The following NXPH2 variants were observed in gnomAD, a reference collection of about 807,000 sequenced individuals.
NXPH2 encodes neurexophilin-2.
In NXPH2, 5 loss-of-function variants were observed where a neutral mutation model predicts 19.8. The ratio of observed to expected loss-of-function variants is 0.25; its 90% confidence interval spans 0.13 to 0.53. The LOEUF (loss-of-function observed/expected upper bound fraction) is 0.53. Among genes scored for constraint, NXPH2 ranks in the 20% least tolerant of loss-of-function variants. The pLI is 0.96. For synonymous variants in NXPH2, 154 were observed against 127.4 expected (o/e 1.21, Z -1.41); for missense variants, 289 against 322.8 (o/e 0.90, Z 0.80).
At chr2:138,694,113 A>T (rs929174000) in intron 1 of NXPH2, among the ~76,000 whole-genome samples, 4 of 152,190 alleles carry the variant, frequency 2.6e-5, no homozygotes, top group South Asian at 2.1e-4. Context: ...AGACGATTTT[A>T]AAAAACTGTA....
At chr2:138,717,317 T>C (rs1294007208) in intron 1 of NXPH2, among the ~76,000 whole-genome samples, 4 of 152,068 alleles carry the variant, frequency 2.6e-5, no homozygotes, top group South Asian at 2.1e-4. Context: ...ATTGATGATA[T>C]GGCATCTCAA....
intron 1 of NXPH2, among the ~76,000 whole-genome samples, chr2:138,736,103 C>T (rs1334712577): frequency 6.6e-6 from 1 of 152,156 alleles, no homozygotes; most frequent in Non-Finnish European, 1.5e-5. Flanking sequence ...TCCAGGTGCA[C>T]AGTGCAAGCT....
At chr2:138,762,637 A>G (rs1430981612) in intron 1 of NXPH2, among the ~76,000 whole-genome samples, 2 of 152,192 alleles carry the variant, frequency 1.3e-5, no homozygotes, top group Non-Finnish European at 2.9e-5. Context: ...CAAAACCCAG[A>G]AGTCAAGTTG....
At chr2:138,780,063 G>T in intron 1 of NXPH2, 128 bp downstream of exon 1, 2 of 884,216 alleles carry the variant, frequency 2.3e-6, no homozygotes, top group Non-Finnish European at 3.2e-6. Context: ...AAAACTCCTT[G>T]CCCTCCGCGC....
chr2:138,726,211 T>C (rs533391821), intron 1 of NXPH2, among the ~76,000 whole-genome samples: 1 of 152,052 alleles, frequency 6.6e-6, no homozygotes, highest in African/African-American at 2.4e-5. Context: ...CCCAACTAAT[T>C]TTTTCATATT....
intron 1 of NXPH2, among the ~76,000 whole-genome samples, chr2:138,703,034 C>G (rs146323536): frequency 7.5e-4 from 114 of 152,252 alleles, no homozygotes; most frequent in Non-Finnish European, 1.3e-3. Flanking sequence ...TTATTTATGT[C>G]TGCTGGAGTG....
At chr2:138,696,100 A>C (rs1483886084) in intron 1 of NXPH2, among the ~76,000 whole-genome samples, 1 of 152,178 alleles carries the variant, frequency 6.6e-6, no homozygotes, top group Non-Finnish European at 1.5e-5. Context: ...TTAATAAAAC[A>C]GTCAGTGTTG....
intron 1 of NXPH2, among the ~76,000 whole-genome samples, chr2:138,773,214 G>C (rs938653988): frequency 3.3e-5 from 5 of 152,322 alleles, no homozygotes; most frequent in African/African-American, 1.2e-4. Context: ...TAGGAACTGA[G>C]ATACAAGCTG....
chr2:138,695,426 G>A (rs766986195), intron 1 of NXPH2, among the ~76,000 whole-genome samples: 1 of 152,124 alleles, frequency 6.6e-6, no homozygotes, highest in Admixed American at 6.6e-5. Flanking sequence ...TACACTAAAC[G>A]AAGACACCAG....
At chr2:138,745,409 A>C (rs2105008525) in intron 1 of NXPH2, among the ~76,000 whole-genome samples, 1 of 148,248 alleles carries the variant, frequency 6.7e-6, no homozygotes, top group Admixed American at 6.8e-5. Context: ...ACTATTAGTG[A>C]GTTAAGCAAG....
In NXPH2 at chr2:138,780,215, C is replaced by A; in HGVS notation, c.27G>T (p.Val9=). The change falls in exon 1 of 2, where the codon GTG becomes GTT. Residue 9 remains valine (V), a synonymous_variant. Coordinates refer to ENST00000272641, the MANE Select transcript of NXPH2 (RefSeq NM_007226.3). ...CCAGCTGCAGCAAGCCAGGGACCAC[C>A]ACGAGGGGCAGCGGCCGCAGGCGCA... The part of the protein sequence containing the change: MRLRPLPL[V]VVPGLLQLLF... 1 of 1,472,926 alleles carries A rather than the reference C, an allele frequency of 6.8e-7. No individual in the cohort carries two copies. The highest frequency in any genetic ancestry group is 8.9e-7 in the Non-Finnish European group (1 of 1,120,466). 91.2% of individuals were successfully genotyped at this position (1,472,926 alleles called of 1,614,324 possible).
intron 1 of NXPH2, among the ~76,000 whole-genome samples, chr2:138,691,059 A>G (rs1170576281): frequency 6.6e-6 from 1 of 152,234 alleles, no homozygotes; most frequent in East Asian, 1.9e-4. Flanking sequence ...ACTTCTAGTC[A>G]GGGAAAGTGT....
intron 1 of NXPH2, among the ~76,000 whole-genome samples, chr2:138,690,021 G>A (rs2104975120): frequency 6.6e-6 from 1 of 152,310 alleles, no homozygotes; most frequent in South Asian, 2.1e-4. Context: ...ATCTTGAAAT[G>A]TAAACTTCCC....
rs146984262 is a variant in NXPH2, at chr2:138,735,701, C to T, written c.51+44490G>A. Reference sequence around the variant, plus strand: ...TCCCAAAAGTCCCCCAAAGTCTTAACTCATTTCAGCATTAACTCAAAAGTC... The same window carrying T: ...TCCCAAAAGTCCCCCAAAGTCTTAATTCATTTCAGCATTAACTCAAAAGTC... On this transcript the variant is annotated intron_variant, in intron 1 of 1. Transcript: ENST00000272641. 8.7e-3 allele frequency among the ~76,000 whole-genome samples: 1,319 copies of T among 152,304 alleles called. 25 individuals are homozygous for T. The highest frequency in any genetic ancestry group is 0.03 in the African/African-American group (1,246 of 41,572).
chr2:138,734,257 T>C (rs957134358), intron 1 of NXPH2, among the ~76,000 whole-genome samples: 5 of 151,944 alleles, frequency 3.3e-5, no homozygotes, highest in Non-Finnish European at 7.4e-5. Context: ...AAAAGAAGAA[T>C]GAGATATTCG....
At chr2:138,744,785 T>C (rs1418648847) in intron 1 of NXPH2, among the ~76,000 whole-genome samples, 4 of 152,136 alleles carry the variant, frequency 2.6e-5, no homozygotes, top group Admixed American at 1.3e-4. Context: ...AGCCCCACCA[T>C]GTAAGGACCA....
chr2:138,673,192 A>G (rs1474779012), intron 1 of NXPH2, among the ~76,000 whole-genome samples: 1 of 152,212 alleles, frequency 6.6e-6, no homozygotes, highest in Non-Finnish European at 1.5e-5. Flanking sequence ...TTACATTTTG[A>G]GAACCTAAAT....
intron 1 of NXPH2, among the ~76,000 whole-genome samples, chr2:138,726,610 G>T (rs971806266): frequency 6.6e-6 from 1 of 151,828 alleles, no homozygotes; most frequent in Non-Finnish European, 1.5e-5. Context: ...TCAATGAGAT[G>T]TGTGTGTTTT....
intron 1 of NXPH2, among the ~76,000 whole-genome samples, chr2:138,694,618 G>A (rs1401408494): frequency 6.6e-6 from 1 of 152,146 alleles, no homozygotes; most frequent in African/African-American, 2.4e-5. Flanking sequence ...CAAACTTATA[G>A]CTTGCAGCCT....
Sources: gnomAD v4.1 joint callset for allele counts (sites outside exome capture counted in the v4.1 genomes callset) on GRCh38, gnomAD v4.1.1 for gene constraint, MANE v1.5 for transcripts, NCBI Gene and HGNC (gene_info 2026-07-23, HGNC 2026-07-21) for gene names.